The following GAN variants were observed in gnomAD, a reference collection of about 807,000 sequenced individuals.
GAN encodes the protein epididymis secretory sperm binding protein.
GAN carries 48 observed loss-of-function variants against 71.3 expected under a neutral mutation model. The observed-to-expected ratio is 0.67, with a 90% CI of 0.53 to 0.86. The LOEUF (loss-of-function observed/expected upper bound fraction) is 0.86, where lower values mean the gene tolerates loss of function less well. GAN is among the 40% of genes least tolerant of loss of function. The pLI is 0.00. For synonymous variants in GAN, 386 were observed against 276.8 expected (o/e 1.39, Z -3.92); for missense variants, 928 against 770.1 (o/e 1.21, Z -2.43).
intron 1 of GAN, among the ~76,000 whole-genome samples, chr16:81,330,676 A>T (rs1048505910): frequency 2.6e-5 from 4 of 152,258 alleles, no homozygotes; most frequent in Non-Finnish European, 1.5e-5. Context: ...ACTGATGGCT[A>T]CAAAAAGGGT....
chr16:81,319,194 AATAG>A (rs1909143458), intron 1 of GAN, among the ~76,000 whole-genome samples: 1 of 102,594 alleles, frequency 9.7e-6, no homozygotes, highest in African/African-American at 3.7e-5. Context: ...TTAAAAAAAA[AATAG>A]ATATAGATTA....
At chr16:81,335,672 G>T (rs1456588037) in intron 1 of GAN, among the ~76,000 whole-genome samples, 3 of 151,114 alleles carry the variant, frequency 2.0e-5, no homozygotes, top group Non-Finnish European at 2.9e-5. Flanking sequence ...GCTTGAACTC[G>T]GGAGGCGGAG....
chr16:81,338,133 A>G (rs754845252), intron 1 of GAN, among the ~76,000 whole-genome samples: 7 of 152,192 alleles, frequency 4.6e-5, no homozygotes, highest in Non-Finnish European at 1.0e-4. Flanking sequence ...TGTGACATGC[A>G]TAGTATTTAT....
intron 4 of GAN, 37 bp downstream of exon 4, chr16:81,357,039 A>G (rs774945636): frequency 2.4e-5 from 29 of 1,190,750 alleles, no homozygotes; most frequent in Admixed American, 5.0e-5. Flanking sequence ...AAAGTGGTGT[A>G]TGGGAAGAGG....
At chr16:81,320,642 TG>T (rs1419530089) in intron 1 of GAN, among the ~76,000 whole-genome samples, 1 of 152,254 alleles carries the variant, frequency 6.6e-6, no homozygotes, top group Non-Finnish European at 1.5e-5. Context: ...GATTGTAGCC[TG>T]TGAAGTTTCT....
chr16:81,379,119 G>C lies in GAN; in HGVS notation c.*1523G>C, dbSNP rs1220002489. On this transcript the variant is annotated 3_prime_UTR_variant, in exon 11 of 11. Coordinates refer to ENST00000648994, the MANE Select transcript of GAN (RefSeq NM_022041.4). ...AACACATGTATAAAGGTATCCTTTG[G>C]TTTTAAGTCGAGAACAGGAATTTCT... is the stretch of plus-strand genomic sequence containing the variant. The C allele has an allele frequency of 6.6e-6, 1 of 152,096 alleles. No individual in the cohort carries two copies. The highest frequency in any genetic ancestry group is 1.9e-4 in the East Asian group (1 of 5,194). The allele number at this position is 152,096 out of a possible 1,614,324, so 9.4% of individuals were successfully genotyped here.
intron 1 of GAN, among the ~76,000 whole-genome samples, chr16:81,322,682 A>T (rs1343770767): frequency 1.3e-5 from 2 of 152,256 alleles, no homozygotes; most frequent in African/African-American, 2.4e-5. Context: ...TAACATATTA[A>T]TATGACTAGA....
At position 81,386,735 on chromosome 16, in the gene GAN, T is replaced by C. The variant is rs1466843813; in HGVS notation, c.*9139T>C. ...GCCAAGGCGGGCAGATCACCTGAGGTCGGCAGTTTGAGACCAGCCTGACCA... is the reference window on the plus strand; with the variant it reads ...GCCAAGGCGGGCAGATCACCTGAGGCCGGCAGTTTGAGACCAGCCTGACCA... On this transcript the variant is annotated 3_prime_UTR_variant, in exon 11 of 11. Coordinates refer to ENST00000648994, the MANE Select transcript of GAN (RefSeq NM_022041.4). The C allele has an allele frequency of 6.6e-6, 1 of 152,190 alleles. No individual in the cohort carries two copies. Among genetic ancestry groups the C allele is most frequent in the Non-Finnish European group, 1.5e-5 (1 of 68,054 alleles). The allele number at this position is 152,190 out of a possible 1,614,324, so 9.4% of individuals were successfully genotyped here. A position where few individuals can be genotyped will look rare whatever the true frequency, so the allele number is the denominator to read the frequency against.
chr16:81,326,670 G>A (rs1909400164), intron 1 of GAN, among the ~76,000 whole-genome samples: 1 of 152,122 alleles, frequency 6.6e-6, no homozygotes, highest in South Asian at 2.1e-4. Context: ...AAACCTAGAG[G>A]GCATAACCTA....
chr16:81,324,463 C>T (rs1909315789), intron 1 of GAN, among the ~76,000 whole-genome samples: 1 of 152,102 alleles, frequency 6.6e-6, no homozygotes, highest in Non-Finnish European at 1.5e-5. Context: ...CAGGGGGAGG[C>T]ACCAGGATCA....
Position 81,377,200 on chromosome 16 carries a change from G to T in GAN, c.1503-19G>T. On this transcript the variant is annotated intron_variant, in intron 9 of 10. Transcript: ENST00000648994. Reference sequence around the variant, plus strand: ...ATCCTTTTGATTTCCTTAATTTTGTGCATGGGCTTTGTTTTCAGGTGGATC... The same window carrying T: ...ATCCTTTTGATTTCCTTAATTTTGTTCATGGGCTTTGTTTTCAGGTGGATC... 1 of 1,388,092 alleles carries T rather than the reference G, an allele frequency of 7.2e-7. No individual in the cohort carries two copies. The highest frequency in any genetic ancestry group is 1.2e-5 in the South Asian group (1 of 86,508). 86.0% of individuals were successfully genotyped at this position (1,388,092 alleles called of 1,614,324 possible).
intron 5 of GAN, among the ~76,000 whole-genome samples, chr16:81,358,536 G>A (rs1910566486): frequency 6.6e-6 from 1 of 151,786 alleles, no homozygotes; most frequent in Admixed American, 6.6e-5. Context: ...TTGAGCCCAG[G>A]AGATCGAGAC....
intron 3 of GAN, among the ~76,000 whole-genome samples, chr16:81,355,376 C>T (rs183103705): frequency 4.9e-4 from 74 of 152,270 alleles, no homozygotes; most frequent in African/African-American, 1.7e-3. Flanking sequence ...TTTGAGGGGG[C>T]AGAGAGTCTC....
intron 1 of GAN, among the ~76,000 whole-genome samples, chr16:81,323,420 G>C (rs1567478568): frequency 6.6e-6 from 1 of 152,268 alleles, no homozygotes; most frequent in South Asian, 2.1e-4. Context: ...TTCTTTCATA[G>C]TGATCAGAAA....
chr16:81,353,402 A>G (rs1300860170), intron 2 of GAN, among the ~76,000 whole-genome samples: 1 of 152,106 alleles, frequency 6.6e-6, no homozygotes, highest in East Asian at 1.9e-4. Context: ...CTATATTTGA[A>G]GAGTCTACAG....
chr16:81,348,098 C>G (rs1012785873), intron 1 of GAN, among the ~76,000 whole-genome samples: 5 of 152,154 alleles, frequency 3.3e-5, no homozygotes, highest in African/African-American at 9.7e-5. Context: ...AGCAGTCCTT[C>G]CAAAGTGCTG....
At chr16:81,333,807 C>T (rs942555060) in intron 1 of GAN, among the ~76,000 whole-genome samples, 1 of 152,168 alleles carries the variant, frequency 6.6e-6, no homozygotes, top group Non-Finnish European at 1.5e-5. Flanking sequence ...CCAGTTTTCA[C>T]TGGTTTGGTT....
At chr16:81,315,676 A>G (rs1257291352) in intron 1 of GAN, among the ~76,000 whole-genome samples, 1 of 152,112 alleles carries the variant, frequency 6.6e-6, no homozygotes, top group Non-Finnish European at 1.5e-5. Context: ...CGCGCCGGGG[A>G]AGAGTCACCC....
intron 9 of GAN, among the ~76,000 whole-genome samples, chr16:81,369,877 T>C (rs916546821): frequency 2.0e-5 from 3 of 152,240 alleles, no homozygotes; most frequent in African/African-American, 7.2e-5. Flanking sequence ...GCCGATGTTT[T>C]GCTTTTTTAA....
Sources: allele counts gnomAD v4.1 joint callset (sites outside exome capture counted in the v4.1 genomes callset), GRCh38; gene constraint gnomAD v4.1.1; transcripts MANE v1.5; gene names NCBI Gene and HGNC (gene_info 2026-07-23, HGNC 2026-07-21).